Variants in DOCK2 observed in about 807,000 individuals in gnomAD.
The protein encoded by DOCK2 is dedicator of cytokinesis 2.
In DOCK2, 87 loss-of-function variants were observed where a neutral mutation model predicts 248.9. The observed-to-expected ratio is 0.35, with a 90% CI of 0.29 to 0.42. The LOEUF (loss-of-function observed/expected upper bound fraction) is 0.42, where lower values mean the gene tolerates loss of function less well. Ranked by LOEUF, DOCK2 falls within the 10% of genes least tolerant of loss-of-function variation. The pLI, the probability that DOCK2 is intolerant of heterozygous loss-of-function variation, is 1.00. For missense variants in DOCK2, 1,747 were observed against 2,300.2 expected, an observed-to-expected ratio of 0.76 and a Z score of 4.92; for synonymous variants, 805 against 821.6, an observed-to-expected ratio of 0.98 and a Z score of 0.35.
chr5:169,670,116 C>T (rs1188527784), intron 3 of DOCK2, among the ~76,000 whole-genome samples: 1 of 152,220 alleles, frequency 6.6e-6, no homozygotes, highest in Non-Finnish European at 1.5e-5. Context: ...CCAGTTGTTC[C>T]TGACTGTGAA....
intron 27 of DOCK2, among the ~76,000 whole-genome samples, chr5:169,922,284 G>T (rs1255063391): frequency 1.3e-5 from 2 of 152,172 alleles, no homozygotes; most frequent in South Asian, 2.1e-4. Context: ...AAAGATGAAG[G>T]CTCAGAGAAG....
intron 26 of DOCK2, among the ~76,000 whole-genome samples, chr5:169,816,206 C>A (rs1768062037): frequency 6.6e-6 from 1 of 152,038 alleles, no homozygotes; most frequent in Non-Finnish European, 1.5e-5. Context: ...GAGGAGGCGC[C>A]CTGTTTTTAA....
chr5:169,784,477 C>A (rs917454076), intron 25 of DOCK2, among the ~76,000 whole-genome samples: 2 of 152,156 alleles, frequency 1.3e-5, no homozygotes, highest in Non-Finnish European at 2.9e-5. Context: ...ATTTTAGTTT[C>A]TTTCTTTCAT....
chr5:169,681,634 T>A (rs1303815571), intron 6 of DOCK2, 110 bp from the exon 7 acceptor site: 2 of 1,371,230 alleles, frequency 1.5e-6, no homozygotes, highest in Non-Finnish European at 2.0e-6. Context: ...AGCTCTTCTA[T>A]GTGACTATAT....
intron 32 of DOCK2, among the ~76,000 whole-genome samples, chr5:170,015,562 G>GT (rs574927254): frequency 1.4e-4 from 17 of 120,580 alleles, no homozygotes; most frequent in Admixed American, 1.6e-4. Flanking sequence ...CTGATTTTAG[G>GT]TTTTTTTTGT....
chr5:169,939,542 C>T (rs1776145072), intron 27 of DOCK2, among the ~76,000 whole-genome samples: 1 of 151,758 alleles, frequency 6.6e-6, no homozygotes, highest in South Asian at 2.1e-4. Flanking sequence ...CAATTATGTG[C>T]TGTATGTAAT....
Position 169,910,992 on chromosome 5 carries a change from C to A in DOCK2, c.2799+70140C>A, listed in dbSNP as rs576391136. 6.6e-5 allele frequency among the ~76,000 whole-genome samples: 10 copies of A among 152,210 alleles called. No individual in the cohort carries two copies. In the South Asian group the frequency reaches 1.9e-3, roughly 28 times the overall value. ...TGGAAGTGAGAATAATAAGTGAAAC[C>A]CTCAGGTGCCTCCAAGGCCCCAGGA... On this transcript the variant is annotated intron_variant, in intron 27 of 51. Coordinates refer to ENST00000520908, the MANE Select transcript of DOCK2 (RefSeq NM_004946.3).
chr5:170,008,988 A>G (rs1327304378), intron 32 of DOCK2, among the ~76,000 whole-genome samples: 3 of 151,714 alleles, frequency 2.0e-5, no homozygotes, highest in African/African-American at 4.8e-5. Flanking sequence ...GATGCCCCCA[A>G]TGGGTTACAG....
At chr5:169,737,460 A>G (rs906964092) in intron 22 of DOCK2, among the ~76,000 whole-genome samples, 21 of 152,170 alleles carry the variant, frequency 1.4e-4, no homozygotes, top group African/African-American at 4.3e-4. Context: ...TTCCTGGCAT[A>G]CATGTCCTAG....
intron 26 of DOCK2, among the ~76,000 whole-genome samples, chr5:169,808,550 G>C (rs1443412140): frequency 1.3e-5 from 2 of 151,596 alleles, no homozygotes; most frequent in African/African-American, 4.9e-5. Context: ...TCAGGTGAAG[G>C]ATAAAAGGCC....
At chr5:169,923,068 G>A (rs1193793900) in intron 27 of DOCK2, among the ~76,000 whole-genome samples, 1 of 152,168 alleles carries the variant, frequency 6.6e-6, no homozygotes, top group African/African-American at 2.4e-5. Context: ...ATTCCCTGGG[G>A]GACACAGAGC....
At chr5:169,775,561 A>G (rs1264700881) in intron 25 of DOCK2, among the ~76,000 whole-genome samples, 1 of 152,226 alleles carries the variant, frequency 6.6e-6, no homozygotes, top group South Asian at 2.1e-4. Context: ...TAATGTTTAT[A>G]GAGTTTTAAT....
chr5:169,985,922 G>T lies in DOCK2; in HGVS notation c.2993G>T (p.Arg998Met), dbSNP rs1437145542. Residue 998 changes from arginine to methionine, a missense_variant and splice_region_variant, in exon 29 of 52, where the codon AGG becomes ATG. Coordinates refer to ENST00000520908, the MANE Select transcript of DOCK2 (RefSeq NM_004946.3). ...ATGGCCATGAGCATGGTTCAAAACA[G>T]GTGAGCTGCTACCTGCTTCCGCAAA... ...DWMAMSMVQN[R>M]VFLRAINKFA... The T allele has an allele frequency of 6.2e-7, 1 of 1,602,092 alleles. No homozygotes were observed.
chr5:169,796,050 T>G (rs1383105697), intron 25 of DOCK2, among the ~76,000 whole-genome samples: 1 of 152,206 alleles, frequency 6.6e-6, no homozygotes, highest in Non-Finnish European at 1.5e-5. Flanking sequence ...AGTCTGGGGC[T>G]GGTTATGAGT....
intron 32 of DOCK2, among the ~76,000 whole-genome samples, chr5:170,012,040 G>C (rs944444534): frequency 1.3e-5 from 2 of 152,212 alleles, no homozygotes; most frequent in African/African-American, 4.8e-5. Context: ...CGATTTTATA[G>C]GTAAAGTTGC....
At chr5:170,041,256 T>C in intron 37 of DOCK2, 111 bp downstream of exon 37, 5 of 1,010,218 alleles carry the variant, frequency 4.9e-6, no homozygotes, top group Non-Finnish European at 7.5e-6. Context: ...TATTTTGTTT[T>C]GCCCTGTGTC....
At chr5:169,818,004 A>G (rs1378306140) in intron 26 of DOCK2, among the ~76,000 whole-genome samples, 1 of 152,218 alleles carries the variant, frequency 6.6e-6, no homozygotes, top group East Asian at 1.9e-4. Context: ...AGCAGGTACC[A>G]ACTTTGAGTA....
At chr5:169,756,434 T>C (rs112403001) in intron 23 of DOCK2, among the ~76,000 whole-genome samples, 3,016 of 152,312 alleles carry the variant, frequency 0.02, 42 homozygotes, top group Middle Eastern at 0.048. Context: ...CGTTATAATC[T>C]GTCCAGGTGT....
chr5:170,079,867 C>T (rs184250175), intron 49 of DOCK2: 4 of 295,686 alleles, frequency 1.4e-5, no homozygotes, highest in East Asian at 6.4e-5. Flanking sequence ...GCTACTCTTG[C>T]GTGGATGGAT....
Sources: allele counts gnomAD v4.1 joint callset (sites outside exome capture counted in the v4.1 genomes callset), GRCh38; gene constraint gnomAD v4.1.1; transcripts MANE v1.5; gene names NCBI Gene and HGNC (gene_info 2026-07-23, HGNC 2026-07-21).